Variants in ADGRE1 observed in about 807,000 individuals in gnomAD.
ADGRE1 encodes the protein EGF-like module receptor 1.
Under a neutral mutation model 102.7 loss-of-function variants are expected in ADGRE1, and 82 were observed. That is an observed-to-expected ratio of 0.80 (90% CI 0.67 to 0.96). ADGRE1 has a LOEUF of 0.96. Among genes scored for constraint, ADGRE1 ranks in the 40% least tolerant of loss-of-function variants. ADGRE1 has a pLI of 0.00. For missense variants in ADGRE1, 1,032 were observed against 1,085.3 expected, an observed-to-expected ratio of 0.95 and a Z score of 0.69; for synonymous variants, 398 against 399.6, an observed-to-expected ratio of 1.00 and a Z score of 0.05.
At chr19:6,904,234 T>A in intron 8 of ADGRE1, 52 bp downstream of exon 8, 1 of 1,596,274 alleles carries the variant, frequency 6.3e-7, no homozygotes, top group Non-Finnish European at 8.5e-7. Context: ...TGGCTTTGGT[T>A]GGAAAATTCT....
At position 6,940,073 on chromosome 19, in the gene ADGRE1, G is replaced by C; in HGVS notation, c.*44G>C. ...AATATGCTATGGAGCCACAGTTGAG[G>C]ACAGTAGTTTCCTGCAGGAGCCTAC... On this transcript the variant is annotated 3_prime_UTR_variant, in exon 21 of 21. Coordinates refer to ENST00000312053, the MANE Select transcript of ADGRE1 (RefSeq NM_001974.5). 1 of 1,609,778 alleles carries C rather than the reference G, an allele frequency of 6.2e-7. No individual in the cohort carries two copies. The highest frequency in any genetic ancestry group is 2.2e-5 in the East Asian group (1 of 44,856).
intron 17 of ADGRE1, among the ~76,000 whole-genome samples, chr19:6,929,147 C>G (rs567052613): frequency 6.6e-6 from 1 of 152,048 alleles, no homozygotes; most frequent in Non-Finnish European, 1.5e-5. Flanking sequence ...GCCTGAGGTT[C>G]GTTGCCTCAT....
intron 12 of ADGRE1, among the ~76,000 whole-genome samples, chr19:6,919,102 G>A (rs993643466): frequency 7.2e-5 from 11 of 151,908 alleles, no homozygotes; most frequent in Admixed American, 1.3e-4. Flanking sequence ...GTGCGATCTC[G>A]GCTCACTGCA....
intron 6 of ADGRE1, among the ~76,000 whole-genome samples, chr19:6,903,144 T>G (rs1214472169): frequency 6.6e-6 from 1 of 152,196 alleles, no homozygotes; most frequent in Non-Finnish European, 1.5e-5. Context: ...AATATGCAGA[T>G]TAACAGGTGG....
intron 17 of ADGRE1, among the ~76,000 whole-genome samples, chr19:6,929,947 A>T (rs1975073266): frequency 6.6e-6 from 1 of 152,098 alleles, no homozygotes; most frequent in Non-Finnish European, 1.5e-5. Context: ...GCCCAGCCAG[A>T]GCTGCCATTT....
At chr19:6,911,758 C>T (rs2144944036) in intron 10 of ADGRE1, among the ~76,000 whole-genome samples, 1 of 148,124 alleles carries the variant, frequency 6.8e-6, no homozygotes, top group African/African-American at 2.5e-5. Flanking sequence ...AGTATGTACA[C>T]ACATACACAC....
chr19:6,918,549 C>T (rs913277919), intron 12 of ADGRE1, among the ~76,000 whole-genome samples: 6 of 151,990 alleles, frequency 3.9e-5, no homozygotes, highest in Admixed American at 1.3e-4. Flanking sequence ...GGACAGGAAG[C>T]GGCATAGGAC....
At position 6,924,788 on chromosome 19, in the gene ADGRE1, C is replaced by A. The variant is rs1272130052; in HGVS notation, c.1902C>A (p.Asn634Lys). ...TGTGTCGCTCCATCCGAAATCACAA[C>A]ACCTACCTCCACCTGCACCTCTGCG... ...FLLCRSIRNH[N>K]TYLHLHLCVC... Residue 634 changes from asparagine (N) to lysine (K), a missense_variant, in exon 15 of 21, where the codon AAC becomes AAA. Physicochemically the swap from Asn to Lys is moderately conservative, Grantham distance 94. Transcript: ENST00000312053. 6.2e-7 allele frequency: 1 copy of A among 1,614,052 alleles called. No homozygotes were observed. The highest frequency in any genetic ancestry group is 2.2e-5 in the East Asian group (1 of 44,884).
chr19:6,918,713 T>C (rs532606682), intron 12 of ADGRE1, among the ~76,000 whole-genome samples: 88 of 152,334 alleles, frequency 5.8e-4, no homozygotes, highest in Middle Eastern at 6.8e-3. Flanking sequence ...CCAAGACTTC[T>C]CCAGGTAAGA....
chr19:6,907,107 C>A (rs561495282), intron 9 of ADGRE1, among the ~76,000 whole-genome samples: 1 of 152,128 alleles, frequency 6.6e-6, no homozygotes, highest in Non-Finnish European at 1.5e-5. Context: ...GAAGTCATTA[C>A]AATGAGTAAA....
chr19:6,910,180 A>G (rs1051063255), intron 10 of ADGRE1, among the ~76,000 whole-genome samples: 6 of 152,118 alleles, frequency 3.9e-5, no homozygotes, highest in African/African-American at 9.7e-5. Context: ...TTTTATTCAT[A>G]AAGTATACAT....
At chr19:6,900,093 CA>C (rs35932450) in intron 5 of ADGRE1, among the ~76,000 whole-genome samples, 55,081 of 129,456 alleles carry the variant, frequency 0.43, 11,417 homozygotes, top group African/African-American at 0.59. Context: ...GACTCCATCT[CA>C]AAAAAAAAAA....
intron 2 of ADGRE1, among the ~76,000 whole-genome samples, chr19:6,893,743 C>G (rs560861901): frequency 4.6e-5 from 7 of 152,272 alleles, no homozygotes; most frequent in African/African-American, 1.7e-4. Context: ...TGCCCATTTC[C>G]TGTGGCTGCT....
At chr19:6,894,102 C>A (rs572958351) in intron 2 of ADGRE1, among the ~76,000 whole-genome samples, 1 of 152,288 alleles carries the variant, frequency 6.6e-6, no homozygotes, top group South Asian at 2.1e-4. Flanking sequence ...ATAATATGCC[C>A]ATCTTGAGAT....
At chr19:6,904,278 G>T (rs993554246) in intron 8 of ADGRE1, 96 bp downstream of exon 8, 1 of 1,457,722 alleles carries the variant, frequency 6.9e-7, no homozygotes, top group South Asian at 1.3e-5. Flanking sequence ...TCCTCTTAGT[G>T]TTGCCTCATC....
At chr19:6,936,493 C>T (rs903292477) in intron 18 of ADGRE1, among the ~76,000 whole-genome samples, 1 of 151,548 alleles carries the variant, frequency 6.6e-6, no homozygotes, top group African/African-American at 2.4e-5. Flanking sequence ...ATACTCATAG[C>T]AGAAAATGTA....
intron 5 of ADGRE1, chr19:6,898,263 T>A: frequency 6.4e-7 from 1 of 1,556,168 alleles, no homozygotes; most frequent in South Asian, 1.1e-5. Context: ...AATACAGTCT[T>A]CTATCTAGTA....
At chr19:6,932,580 A>G (rs957836115) in intron 17 of ADGRE1, among the ~76,000 whole-genome samples, 1 of 152,152 alleles carries the variant, frequency 6.6e-6, no homozygotes, top group African/African-American at 2.4e-5. Context: ...GAGATTCCTA[A>G]AACTCAAAGT....
chr19:6,922,171 T>G (rs1974695465), intron 14 of ADGRE1, among the ~76,000 whole-genome samples: 1 of 152,106 alleles, frequency 6.6e-6, no homozygotes, highest in African/African-American at 2.4e-5. Flanking sequence ...GCTGGGCTCT[T>G]TAAGTTAAGT....
Sources: gnomAD v4.1 joint callset for allele counts (sites outside exome capture counted in the v4.1 genomes callset) on GRCh38, gnomAD v4.1.1 for gene constraint, MANE v1.5 for transcripts, NCBI Gene and HGNC (gene_info 2026-07-23, HGNC 2026-07-21) for gene names.